The following ZFAND6 variants were observed in gnomAD, a reference collection of about 807,000 sequenced individuals.
The protein encoded by ZFAND6 is zinc finger AN1-type containing 6.
ZFAND6 carries 12 observed loss-of-function variants against 24.5 expected under a neutral mutation model. The ratio of observed to expected loss-of-function variants is 0.49; its 90% CI spans 0.31 to 0.79. The LOEUF (loss-of-function observed/expected upper bound fraction) is 0.79. ZFAND6 is among the 30% of genes least tolerant of loss of function. The pLI is 0.04. For synonymous variants in ZFAND6, 92 were observed against 81.5 expected (o/e 1.13, Z -0.69); for missense variants, 207 against 245.9 (o/e 0.84, Z 1.06).
chr15:80,087,585 A>G (rs1042485391), intron 1 of ZFAND6, among the ~76,000 whole-genome samples: 4 of 152,244 alleles, frequency 2.6e-5, no homozygotes, highest in African/African-American at 7.2e-5. Context: ...TCCCTCTTCA[A>G]TCACTTTTCT....
intron 1 of ZFAND6, among the ~76,000 whole-genome samples, chr15:80,062,099 A>T (rs923680484): frequency 1.3e-5 from 2 of 152,160 alleles, no homozygotes; most frequent in Non-Finnish European, 2.9e-5. Context: ...AAAACGCTGG[A>T]TTGTATGTAA....
intron 2 of ZFAND6, chr15:80,112,956 TCACCCATTCTGAGCAG>T (rs1033059189): frequency 1.2e-5 from 5 of 434,148 alleles, no homozygotes; most frequent in Non-Finnish European, 2.3e-5. Context: ...CAAAGAGAAT[TCACCCATTCTGAGCAG>T]TTAGTTTTCC....
At chr15:80,108,817 G>A (rs951501825) in intron 2 of ZFAND6, among the ~76,000 whole-genome samples, 3 of 151,648 alleles carry the variant, frequency 2.0e-5, no homozygotes, top group African/African-American at 7.3e-5. Flanking sequence ...TGCAGCCTCC[G>A]CCTCCTGGGT....
At chr15:80,067,515 T>A (rs1248851163) in intron 1 of ZFAND6, among the ~76,000 whole-genome samples, 1 of 151,788 alleles carries the variant, frequency 6.6e-6, no homozygotes, top group African/African-American at 2.4e-5. Flanking sequence ...TTTGTGTGAA[T>A]TGTTTTAGCA....
intron 5 of ZFAND6, among the ~76,000 whole-genome samples, chr15:80,129,234 G>A (rs1268393795): frequency 6.6e-6 from 1 of 152,174 alleles, no homozygotes; most frequent in South Asian, 2.1e-4. Context: ...AAGGTTTGAT[G>A]TGTCTATATT....
chr15:80,110,478 T>C (rs2039553814), intron 2 of ZFAND6, among the ~76,000 whole-genome samples: 1 of 151,998 alleles, frequency 6.6e-6, no homozygotes, highest in Non-Finnish European at 1.5e-5. Flanking sequence ...TCAACACAAT[T>C]CCAATAAAAA....
At chr15:80,105,087 C>G (rs191060392) in intron 2 of ZFAND6, among the ~76,000 whole-genome samples, 1 of 152,186 alleles carries the variant, frequency 6.6e-6, no homozygotes, top group Non-Finnish European at 1.5e-5. Context: ...ATTCTAAGAT[C>G]ATTTCCCACT....
At chr15:80,134,985 G>GA (rs1190087136) in intron 6 of ZFAND6, among the ~76,000 whole-genome samples, 2 of 152,164 alleles carry the variant, frequency 1.3e-5, no homozygotes, top group African/African-American at 4.8e-5. Flanking sequence ...CAAAAAAGCA[G>GA]AAAAGTCAGA....
chr15:80,077,030 C>G (rs2037324733), intron 1 of ZFAND6, among the ~76,000 whole-genome samples: 1 of 152,154 alleles, frequency 6.6e-6, no homozygotes, highest in Non-Finnish European at 1.5e-5. Flanking sequence ...GGTAGTTTTC[C>G]TTATGCACAT....
chr15:80,109,890 A>C (rs1192628289), intron 2 of ZFAND6, among the ~76,000 whole-genome samples: 1 of 152,232 alleles, frequency 6.6e-6, no homozygotes, highest in African/African-American at 2.4e-5. Context: ...GGGAATATAG[A>C]AGGGCCTCAG....
intron 2 of ZFAND6, among the ~76,000 whole-genome samples, chr15:80,119,259 C>T (rs1381851758): frequency 6.6e-6 from 1 of 152,012 alleles, no homozygotes; most frequent in East Asian, 1.9e-4. Context: ...TGCCTCTGTC[C>T]TGTTAGTTTT....
chr15:80,086,683 CATTT>C (rs2038025915), intron 1 of ZFAND6, among the ~76,000 whole-genome samples: 1 of 152,044 alleles, frequency 6.6e-6, no homozygotes, highest in Non-Finnish European at 1.5e-5. Context: ...TAAAATTTAC[CATTT>C]AAACTGTTTT....
chr15:80,084,184 C>T (rs1056828558), intron 1 of ZFAND6, among the ~76,000 whole-genome samples: 16 of 152,162 alleles, frequency 1.1e-4, no homozygotes, highest in Non-Finnish European at 2.2e-4. Context: ...CACATAGTTG[C>T]TGCAAATCAG....
intron 2 of ZFAND6, among the ~76,000 whole-genome samples, chr15:80,099,054 C>T (rs1225275863): frequency 6.6e-6 from 1 of 151,960 alleles, no homozygotes; most frequent in Non-Finnish European, 1.5e-5. Context: ...TAAAAAATAA[C>T]TTCATTTAGT....
chr15:80,095,700 T>G (rs897720819), intron 1 of ZFAND6, among the ~76,000 whole-genome samples: 8 of 152,338 alleles, frequency 5.3e-5, no homozygotes, highest in African/African-American at 1.7e-4. Flanking sequence ...TGCTTTGTGT[T>G]GAACAAGAAT....
chr15:80,065,002 CTT>C (rs371580044), intron 1 of ZFAND6, among the ~76,000 whole-genome samples: 21,468 of 67,668 alleles, frequency 0.32, 2,000 homozygotes, highest in Middle Eastern at 0.42. Flanking sequence ...CTCTCTCCCC[CTT>C]TTTTTTTTTT....
At chr15:80,130,386 A>G (rs2040546162) in intron 5 of ZFAND6, 1 of 152,166 alleles carries the variant, frequency 6.6e-6, no homozygotes, top group African/African-American at 2.4e-5. Context: ...ATCCCTGGGG[A>G]AAGTCTAGTT....
chr15:80,098,895 ATTTT>A (rs1477604429), intron 2 of ZFAND6, among the ~76,000 whole-genome samples: 4 of 152,020 alleles, frequency 2.6e-5, no homozygotes, highest in Non-Finnish European at 4.4e-5. Flanking sequence ...ATTGCTGTTT[ATTTT>A]GCATTGATTT....
intron 1 of ZFAND6, among the ~76,000 whole-genome samples, chr15:80,096,642 A>G (rs545125368): frequency 1.7e-4 from 26 of 152,314 alleles, no homozygotes; most frequent in Admixed American, 1.2e-3. Flanking sequence ...TTTGGGTGCT[A>G]TTTCTCATGG....
Sources: allele counts gnomAD v4.1 joint callset (sites outside exome capture counted in the v4.1 genomes callset), GRCh38; gene constraint gnomAD v4.1.1; transcripts MANE v1.5; gene names NCBI Gene and HGNC (gene_info 2026-07-23, HGNC 2026-07-21).